Variants in ATRNL1 observed in about 807,000 individuals in gnomAD.
ATRNL1 encodes attractin-like protein 1.
ATRNL1 carries 95 observed loss-of-function variants against 182.7 expected under a neutral mutation model. That is an observed-to-expected ratio of 0.52 (90% CI 0.44 to 0.62). ATRNL1 has a LOEUF of 0.62. Among genes scored for constraint, ATRNL1 ranks in the 20% least tolerant of loss-of-function variants. The pLI is 0.00. For synonymous variants in ATRNL1, 576 were observed against 568.3 expected (o/e 1.01, Z -0.19); for missense variants, 1,471 against 1,679.5 (o/e 0.88, Z 2.17).
intron 24 of ATRNL1, among the ~76,000 whole-genome samples, chr10:115,493,955 TG>T (rs1849428946): frequency 6.6e-6 from 1 of 152,186 alleles, no homozygotes; most frequent in East Asian, 1.9e-4. Context: ...CACATTTTAA[TG>T]GGGTTATGTT....
intron 28 of ATRNL1, among the ~76,000 whole-genome samples, chr10:115,899,211 C>A (rs1952286585): frequency 1.3e-5 from 2 of 152,100 alleles, no homozygotes; most frequent in South Asian, 4.1e-4. Flanking sequence ...GTTCAATTCC[C>A]ATCTATGAGT....
chr10:115,371,356 A>T (rs1554948012), intron 19 of ATRNL1, among the ~76,000 whole-genome samples: 2 of 152,226 alleles, frequency 1.3e-5, no homozygotes, highest in East Asian at 3.9e-4. Flanking sequence ...GCATTTGGAA[A>T]AGCCACAGAC....
intron 1 of ATRNL1, among the ~76,000 whole-genome samples, chr10:115,097,991 T>C (rs1182907925): frequency 6.6e-6 from 1 of 152,182 alleles, no homozygotes; most frequent in Non-Finnish European, 1.5e-5. Context: ...TAAATACATA[T>C]ATATTTGGAA....
At chr10:115,776,827 G>T (rs1949138705) in intron 27 of ATRNL1, among the ~76,000 whole-genome samples, 3 of 152,142 alleles carry the variant, frequency 2.0e-5, no homozygotes, top group Admixed American at 2.0e-4. Flanking sequence ...TCTGGGATTG[G>T]TTACTGCCAT....
At chr10:115,703,128 T>TGGTG (rs1946790811) in intron 26 of ATRNL1, among the ~76,000 whole-genome samples, 1 of 151,974 alleles carries the variant, frequency 6.6e-6, no homozygotes, top group Non-Finnish European at 1.5e-5. Context: ...CCTGTGGTCT[T>TGGTG]TGACAGAGTC....
At chr10:115,786,493 A>G (rs1197718709) in intron 27 of ATRNL1, among the ~76,000 whole-genome samples, 2 of 151,700 alleles carry the variant, frequency 1.3e-5, no homozygotes, top group African/African-American at 4.8e-5. Context: ...TAATTGTATC[A>G]CTCCCATCTC....
intron 24 of ATRNL1, among the ~76,000 whole-genome samples, chr10:115,473,264 A>T (rs981631007): frequency 6.6e-6 from 1 of 151,092 alleles, no homozygotes; most frequent in Admixed American, 6.6e-5. Flanking sequence ...TTTGTTGAGG[A>T]TATTTGCATT....
intron 9 of ATRNL1, among the ~76,000 whole-genome samples, chr10:115,218,849 G>GT (rs1368454841): frequency 6.6e-6 from 1 of 152,160 alleles, no homozygotes; most frequent in Non-Finnish European, 1.5e-5. Context: ...AGTGGTGACT[G>GT]TTTTTCTAAA....
intron 26 of ATRNL1, among the ~76,000 whole-genome samples, chr10:115,628,760 A>C (rs1442195570): frequency 1.3e-5 from 2 of 152,162 alleles, no homozygotes; most frequent in African/African-American, 4.8e-5. Context: ...ATGTGGTGTG[A>C]GTCCAACTTC....
At chr10:115,239,833 C>T (rs1850339196) in intron 9 of ATRNL1, among the ~76,000 whole-genome samples, 3 of 152,098 alleles carry the variant, frequency 2.0e-5, no homozygotes, top group African/African-American at 7.2e-5. Flanking sequence ...AGGAAGAGCA[C>T]CCAGACCTCT....
chr10:115,098,464 T>C (rs1554863735), intron 1 of ATRNL1, among the ~76,000 whole-genome samples: 1 of 78,882 alleles, frequency 1.3e-5, no homozygotes, highest in Non-Finnish European at 3.3e-5. Flanking sequence ...TTTTTTTTTT[T>C]TTTTTTTTTT....
intron 26 of ATRNL1, among the ~76,000 whole-genome samples, chr10:115,618,163 TAA>T (rs1857537631): frequency 6.6e-6 from 1 of 152,238 alleles, no homozygotes; most frequent in Non-Finnish European, 1.5e-5. Context: ...CTTTTCTTTA[TAA>T]ATTACCTAGT....
At chr10:115,681,416 C>T (rs139772840) in intron 26 of ATRNL1, among the ~76,000 whole-genome samples, 25 of 152,156 alleles carry the variant, frequency 1.6e-4, no homozygotes, top group African/African-American at 5.3e-4. Flanking sequence ...AAATTATTAT[C>T]CCCACTTTAA....
chr10:115,222,918 A>G (rs1165826636), intron 9 of ATRNL1, among the ~76,000 whole-genome samples: 2 of 152,226 alleles, frequency 1.3e-5, no homozygotes, highest in Non-Finnish European at 2.9e-5. Context: ...TGGCTTGCAT[A>G]TACACAAAAT....
chr10:115,821,984 T>C (rs782266493), intron 27 of ATRNL1, among the ~76,000 whole-genome samples: 5 of 152,142 alleles, frequency 3.3e-5, no homozygotes, highest in Non-Finnish European at 5.9e-5. Context: ...TACAATCTAC[T>C]CAGCACCACA....
chr10:115,620,088 G>T (rs560816395), intron 26 of ATRNL1, among the ~76,000 whole-genome samples: 46 of 152,196 alleles, frequency 3.0e-4, no homozygotes, highest in Non-Finnish European at 5.7e-4. Context: ...TCACAGTTCT[G>T]CAGTCTGTAG....
At chr10:115,133,413 A>G (rs555780645) in intron 5 of ATRNL1, among the ~76,000 whole-genome samples, 57 of 152,328 alleles carry the variant, frequency 3.7e-4, no homozygotes, top group Admixed American at 2.0e-3. Flanking sequence ...CTCTGATAAA[A>G]CAGACTTTAA....
chr10:115,833,601 G>T (rs188976974), intron 27 of ATRNL1, among the ~76,000 whole-genome samples: 1 of 152,248 alleles, frequency 6.6e-6, no homozygotes, highest in East Asian at 1.9e-4. Flanking sequence ...CCTACGCCAG[G>T]CAGTACTCTA....
chr10:115,542,746 T>C (rs1203129452), intron 25 of ATRNL1, among the ~76,000 whole-genome samples: 1 of 152,094 alleles, frequency 6.6e-6, no homozygotes, highest in Non-Finnish European at 1.5e-5. Context: ...AATAGAAATG[T>C]ATTATCTCCC....
Sources: gnomAD v4.1 joint callset for allele counts (sites outside exome capture counted in the v4.1 genomes callset) on GRCh38, gnomAD v4.1.1 for gene constraint, MANE v1.5 for transcripts, NCBI Gene and HGNC (gene_info 2026-07-23, HGNC 2026-07-21) for gene names.